The following PPARGC1A variants were observed in gnomAD, a reference collection of about 807,000 sequenced individuals.
PPARGC1A encodes peroxisome proliferator-activated receptor gamma coactivator 1-alpha.
Under a neutral mutation model 88.7 loss-of-function variants are expected in PPARGC1A, and 25 were observed. The ratio of observed to expected loss-of-function variants is 0.28; its 90% CI spans 0.21 to 0.39. The LOEUF is 0.39. Among genes scored for constraint, PPARGC1A ranks in the 10% least tolerant of loss-of-function variants. PPARGC1A has a pLI of 1.00. For synonymous variants in PPARGC1A, 363 were observed against 355.6 expected (o/e 1.02, Z -0.24); for missense variants, 880 against 968.7 (o/e 0.91, Z 1.22).
At chr4:24,265,078 G>C in the PPARGC1A span, among the ~76,000 whole-genome samples, 3 of 152,260 alleles carry the variant, frequency 2.0e-5, no homozygotes, top group African/African-American at 7.2e-5. Flanking sequence ...GAACCCTTTG[G>C]CATGGAAAAC....
the PPARGC1A span, among the ~76,000 whole-genome samples, chr4:24,466,184 T>C: frequency 1.3e-5 from 2 of 152,212 alleles, no homozygotes; most frequent in African/African-American, 4.8e-5. Context: ...CAGGTAGTTA[T>C]GGTTGATTCC....
the PPARGC1A span, among the ~76,000 whole-genome samples, chr4:24,037,605 G>T: frequency 6.6e-6 from 1 of 152,074 alleles, no homozygotes; most frequent in Non-Finnish European, 1.5e-5. Flanking sequence ...AGAAAGCAGG[G>T]CATCCCTTGT....
the PPARGC1A span, among the ~76,000 whole-genome samples, chr4:24,126,594 C>A: frequency 6.6e-6 from 1 of 152,048 alleles, no homozygotes; most frequent in Admixed American, 6.6e-5. Flanking sequence ...TTTCCCCCTG[C>A]CTAAAGATGA....
chr4:24,144,320 G>A, the PPARGC1A span, among the ~76,000 whole-genome samples: 1 of 152,108 alleles, frequency 6.6e-6, no homozygotes, highest in African/African-American at 2.4e-5. Context: ...CTTCAGAAAG[G>A]TATATATTCT....
At chr4:23,933,252 G>A in the PPARGC1A span, among the ~76,000 whole-genome samples, 1 of 152,100 alleles carries the variant, frequency 6.6e-6, no homozygotes, top group South Asian at 2.1e-4. Context: ...GTGTGGAATG[G>A]GCCTCTCCCT....
the PPARGC1A span, among the ~76,000 whole-genome samples, chr4:24,464,338 T>A: frequency 6.6e-6 from 1 of 152,254 alleles, no homozygotes; most frequent in Admixed American, 6.5e-5. Flanking sequence ...GATGATAACA[T>A]CTATTTTCAG....
the PPARGC1A span, among the ~76,000 whole-genome samples, chr4:24,345,854 T>C: frequency 3.9e-5 from 6 of 152,308 alleles, no homozygotes; most frequent in Non-Finnish European, 8.8e-5. Context: ...CCTTGTCTTG[T>C]TCCAGTTCTT....
At chr4:24,156,582 T>C in the PPARGC1A span, among the ~76,000 whole-genome samples, 1 of 152,166 alleles carries the variant, frequency 6.6e-6, no homozygotes, top group Non-Finnish European at 1.5e-5. Context: ...TTTTGCTCTC[T>C]GAATAAATGG....
chr4:24,235,429 T>G, the PPARGC1A span, among the ~76,000 whole-genome samples: 1 of 152,214 alleles, frequency 6.6e-6, no homozygotes, highest in Non-Finnish European at 1.5e-5. Flanking sequence ...AGCCACCACA[T>G]GAGAATTGTC....
chr4:23,940,004 A>G, the PPARGC1A span, among the ~76,000 whole-genome samples: 2 of 152,326 alleles, frequency 1.3e-5, no homozygotes, highest in Non-Finnish European at 2.9e-5. Flanking sequence ...TATGAATTTG[A>G]AAACATATTT....
chr4:24,289,372 AGCT>A, the PPARGC1A span, among the ~76,000 whole-genome samples: 2 of 151,928 alleles, frequency 1.3e-5, no homozygotes, highest in African/African-American at 4.8e-5. Flanking sequence ...CTCAGGGGAG[AGCT>A]GAACCTTCCC....
chr4:24,173,036 G>A, the PPARGC1A span, among the ~76,000 whole-genome samples: 1 of 152,216 alleles, frequency 6.6e-6, no homozygotes, highest in South Asian at 2.1e-4. Flanking sequence ...TTTGCCATTA[G>A]ACCACAGAAG....
upstream of PPARGC1A, among the ~76,000 whole-genome samples, chr4:23,892,954 G>C (rs1718068934): frequency 6.6e-6 from 1 of 152,126 alleles, no homozygotes. Context: ...TGAGATACAA[G>C]TTCCTTTCAT....
At chr4:23,897,031 A>C (rs2148870652) in intron 1 of PPARGC1A, among the ~76,000 whole-genome samples, 1 of 152,352 alleles carries the variant, frequency 6.6e-6, no homozygotes, top group East Asian at 1.9e-4. Flanking sequence ...CTTGGGCAGA[A>C]AGCTCATGTT....
chr4:24,138,561 A>G, the PPARGC1A span, among the ~76,000 whole-genome samples: 1 of 152,342 alleles, frequency 6.6e-6, no homozygotes, highest in East Asian at 1.9e-4. Flanking sequence ...CCCAGAATTA[A>G]GTGCCTGGGA....
chr4:24,354,877 A>T, the PPARGC1A span, among the ~76,000 whole-genome samples: 3 of 148,408 alleles, frequency 2.0e-5, no homozygotes. Flanking sequence ...ACAGAGCAAG[A>T]CTGTCAAAAA....
chr4:23,901,748 G>A (rs538166123), upstream of PPARGC1A, among the ~76,000 whole-genome samples: 6 of 152,276 alleles, frequency 3.9e-5, no homozygotes, highest in African/African-American at 1.4e-4. Context: ...AAAGTCCATT[G>A]TACCACCAGT....
chr4:23,901,492 C>T (rs887680356), upstream of PPARGC1A, among the ~76,000 whole-genome samples: 6 of 149,406 alleles, frequency 4.0e-5, no homozygotes, highest in African/African-American at 9.9e-5. Context: ...TGCAGTGAGC[C>T]GAGATTGTGC....
intron 2 of PPARGC1A, among the ~76,000 whole-genome samples, chr4:23,838,541 C>T (rs1476891491): frequency 3.3e-5 from 5 of 152,200 alleles, no homozygotes; most frequent in African/African-American, 4.8e-5. Context: ...TACCACCTTA[C>T]ATTTCGTAAC....
Sources: allele counts gnomAD v4.1 joint callset (sites outside exome capture counted in the v4.1 genomes callset), GRCh38; gene constraint gnomAD v4.1.1; transcripts MANE v1.5; gene names NCBI Gene and HGNC (gene_info 2026-07-23, HGNC 2026-07-21).